Variants in INO80D observed in about 807,000 individuals in gnomAD.
INO80D encodes INO80 complex subunit D.
INO80D carries 21 observed loss-of-function variants against 87.6 expected under a neutral mutation model. The observed-to-expected ratio is 0.24, with a 90% CI of 0.17 to 0.35. The LOEUF (loss-of-function observed/expected upper bound fraction) is 0.35. Among genes scored for constraint, INO80D ranks in the 10% least tolerant of loss-of-function variants. The probability of loss-of-function intolerance (pLI) is 1.00; values close to 1 mark genes in which losing one functional copy is unlikely to be tolerated. For missense variants in INO80D, 982 were observed against 1,280.7 expected, an observed-to-expected ratio of 0.77 and a Z score of 3.56; for synonymous variants, 440 against 491.0, an observed-to-expected ratio of 0.90 and a Z score of 1.37.
chr2:206,073,613 A>C (rs1028907210), intron 1 of INO80D, among the ~76,000 whole-genome samples: 2 of 152,082 alleles, frequency 1.3e-5, no homozygotes, highest in African/African-American at 4.8e-5. Flanking sequence ...TCCCCAGCTC[A>C]AGTGATCCTT....
chr2:206,017,440 G>A (rs1575806053), intron 8 of INO80D, among the ~76,000 whole-genome samples: 1 of 152,096 alleles, frequency 6.6e-6, no homozygotes, highest in East Asian at 1.9e-4. Flanking sequence ...CATGACATTT[G>A]TAGAATTGTA....
intron 5 of INO80D, chr2:206,040,588 A>G (rs1327431880): frequency 7.5e-6 from 2 of 266,096 alleles, no homozygotes; most frequent in Non-Finnish European, 1.6e-5. Flanking sequence ...CTATCCCTGC[A>G]AAGTGACAGC....
At chr2:206,053,718 TA>T (rs1328715450) in intron 4 of INO80D, among the ~76,000 whole-genome samples, 7 of 152,218 alleles carry the variant, frequency 4.6e-5, no homozygotes, top group African/African-American at 1.7e-4. Flanking sequence ...AATCAATAAA[TA>T]TATTGATATC....
intron 4 of INO80D, among the ~76,000 whole-genome samples, chr2:206,049,287 C>G (rs543485148): frequency 2.6e-5 from 4 of 152,260 alleles, no homozygotes; most frequent in South Asian, 4.2e-4. Context: ...TCTAAAATGT[C>G]AGGTCACCTT....
intron 8 of INO80D, among the ~76,000 whole-genome samples, chr2:206,016,227 T>A (rs1688315993): frequency 6.6e-6 from 1 of 152,202 alleles, no homozygotes; most frequent in African/African-American, 2.4e-5. Flanking sequence ...ATGTTTTGCA[T>A]GAGCTTGACC....
At chr2:206,068,695 T>C (rs1280824213) in intron 1 of INO80D, among the ~76,000 whole-genome samples, 1 of 151,414 alleles carries the variant, frequency 6.6e-6, no homozygotes, top group Non-Finnish European at 1.5e-5. Flanking sequence ...TTTTGAGCAA[T>C]TTTTTTTTCT....
chr2:206,007,518 A>C, intron 9 of INO80D, 77 bp from the exon 10 acceptor site: 1 of 1,489,352 alleles, frequency 6.7e-7, no homozygotes. Context: ...AGTTCATTCA[A>C]CATGAAAAGA....
In INO80D at chr2:206,003,980, G is replaced by T; in HGVS notation, c.*388C>A. Reference sequence around the variant, plus strand: ...TCAATTAATAAGATCATTCTATCTAGAACCACCTATGTAAAAACCTGGCAA... The same window carrying T: ...TCAATTAATAAGATCATTCTATCTATAACCACCTATGTAAAAACCTGGCAA... On this transcript the variant is annotated 3_prime_UTR_variant, in exon 11 of 11. Coordinates refer to ENST00000403263, the MANE Select transcript of INO80D (RefSeq NM_017759.5). 1 of 227,134 alleles carries T rather than the reference G, an allele frequency of 4.4e-6. No homozygotes were observed. The highest frequency in any genetic ancestry group is 8.8e-6 in the Non-Finnish European group (1 of 113,484). 14.1% of individuals were successfully genotyped at this position (227,134 alleles called of 1,614,324 possible). A position where few individuals can be genotyped will look rare whatever the true frequency, so the allele number is the denominator to read the frequency against.
Position 205,996,101 on chromosome 2 carries a change from G to A in INO80D, c.*8267C>T, listed in dbSNP as rs887353834. 1 of 152,002 alleles carries A rather than the reference G, an allele frequency of 6.6e-6. No individual in the cohort carries two copies. The allele number at this position is 152,002 out of a possible 1,614,324, so 9.4% of individuals were successfully genotyped here. ...TTATTGAGCTAAAACTTTCAAATTT[G>A]TTTTATTTGAAGGTTGGCTTTCTGT... On this transcript the variant is annotated 3_prime_UTR_variant, in exon 11 of 11. Transcript: ENST00000403263.
intron 1 of INO80D, among the ~76,000 whole-genome samples, chr2:206,073,427 A>G (rs866351758): frequency 2.6e-5 from 4 of 152,212 alleles, no homozygotes; most frequent in Non-Finnish European, 5.9e-5. Context: ...ATGGAAATAT[A>G]CAATATATAA....
intron 1 of INO80D, among the ~76,000 whole-genome samples, chr2:206,079,168 G>A (rs1690206866): frequency 6.6e-6 from 1 of 152,014 alleles, no homozygotes; most frequent in Non-Finnish European, 1.5e-5. Context: ...GACCTCCTGA[G>A]TTCAAGCGAT....
intron 1 of INO80D, among the ~76,000 whole-genome samples, chr2:206,081,756 C>CAAA (rs756168296): frequency 1.3e-5 from 1 of 75,256 alleles, no homozygotes; most frequent in Non-Finnish European, 2.8e-5. Flanking sequence ...GACCCTGTCT[C>CAAA]AAAAAAAAAA....
chr2:206,012,823 T>G (rs999026755), intron 8 of INO80D, among the ~76,000 whole-genome samples: 1 of 143,846 alleles, frequency 7.0e-6, no homozygotes, highest in African/African-American at 2.6e-5. Flanking sequence ...GAGCCGAGAT[T>G]GCACCACTGC....
intron 5 of INO80D, among the ~76,000 whole-genome samples, chr2:206,037,784 G>A (rs1050680186): frequency 2.0e-5 from 3 of 152,128 alleles, no homozygotes; most frequent in Non-Finnish European, 4.4e-5. Context: ...CTCATATGTT[G>A]ATAACAGCAC....
intron 1 of INO80D, among the ~76,000 whole-genome samples, chr2:206,076,444 T>C (rs1690118974): frequency 6.6e-6 from 1 of 152,200 alleles, no homozygotes; most frequent in South Asian, 2.1e-4. Flanking sequence ...ATATTGATTT[T>C]AAGAACCAAA....
intron 1 of INO80D, among the ~76,000 whole-genome samples, chr2:206,083,880 A>G (rs1690353946): frequency 6.8e-6 from 1 of 147,972 alleles, no homozygotes; most frequent in South Asian, 2.1e-4. Context: ...AAAAAAAAGG[A>G]AAAAACCAAC....
Position 206,002,481 on chromosome 2 carries a change from A to G in INO80D, c.*1887T>C, listed in dbSNP as rs943717960. 4.6e-5 allele frequency: 7 copies of G among 152,366 alleles called. No homozygotes were observed. Among genetic ancestry groups the G allele is most frequent in the Non-Finnish European group, 8.8e-5 (6 of 68,030 alleles). 9.4% of individuals were successfully genotyped at this position (152,366 alleles called of 1,614,324 possible). ...CAATTACCATGATTTTAAAAAAACT[A>G]AATATATTACAAACATATTTTTGGC... On this transcript the variant is annotated 3_prime_UTR_variant, in exon 11 of 11. Transcript: ENST00000403263.
intron 8 of INO80D, among the ~76,000 whole-genome samples, chr2:206,012,701 C>A (rs1332035635): frequency 6.6e-6 from 1 of 151,846 alleles, no homozygotes; most frequent in Admixed American, 6.6e-5. Context: ...AACCCCATGT[C>A]TACCAAAAAA....
chr2:206,079,816 T>TCCCTCTCACTATTTATTC (rs2105912017), intron 1 of INO80D, among the ~76,000 whole-genome samples: 1 of 152,252 alleles, frequency 6.6e-6, no homozygotes, highest in African/African-American at 2.4e-5. Flanking sequence ...GACTGACCTT[T>TCCCTCTCACTATTTATTC]CCCTCTCACT....
Sources: gnomAD v4.1 joint callset for allele counts (sites outside exome capture counted in the v4.1 genomes callset) on GRCh38, gnomAD v4.1.1 for gene constraint, MANE v1.5 for transcripts, NCBI Gene and HGNC (gene_info 2026-07-23, HGNC 2026-07-21) for gene names.